The following NFYC variants were observed in gnomAD, a reference collection of about 807,000 sequenced individuals.
NFYC encodes the protein nuclear transcription factor Y subunit gamma, also known as CAAT box DNA-binding protein subunit C.
In NFYC, 25 loss-of-function variants were observed where a neutral mutation model predicts 53.1. The observed-to-expected ratio is 0.47, with a 90% CI of 0.34 to 0.66. The LOEUF (loss-of-function observed/expected upper bound fraction) is 0.66. Among genes scored for constraint, NFYC ranks in the 30% least tolerant of loss-of-function variants. The pLI, the probability that NFYC is intolerant of heterozygous loss-of-function variation, is 0.01. For synonymous variants in NFYC, 145 were observed against 152.6 expected (o/e 0.95, Z 0.37); for missense variants, 260 against 422.7 (o/e 0.62, Z 3.38).
rs1037111600 is a variant in NFYC, at chr1:40,691,859, T to C, written c.-17T>C. On this transcript the variant is annotated 5_prime_UTR_variant, in exon 1 of 10. Transcript: ENST00000447388. ...GCGGCTCCTGCTCTTCCTGGACTCC[T>C]GAGCAGAGGTGTGTGAGTGTGCGGG... The C allele has an allele frequency of 4.8e-6, 2 of 418,940 alleles. No individual in the cohort carries two copies. The highest frequency in any genetic ancestry group is 3.4e-4 in the Middle Eastern group (1 of 2,940). The allele number at this position is 418,940 out of a possible 1,614,324, so 26.0% of individuals were successfully genotyped here.
intron 2 of NFYC, among the ~76,000 whole-genome samples, chr1:40,739,394 T>C (rs921323176): frequency 2.6e-4 from 39 of 152,318 alleles, no homozygotes; most frequent in South Asian, 1.0e-3. Context: ...TAAAAAGATA[T>C]ACTTTGATCG....
At chr1:40,752,708 A>G (rs1338052876) in intron 4 of NFYC, among the ~76,000 whole-genome samples, 1 of 152,098 alleles carries the variant, frequency 6.6e-6, no homozygotes, top group Non-Finnish European at 1.5e-5. Context: ...TGACTTGAAA[A>G]TGTTGCAAAA....
chr1:40,749,831 C>A, intron 4 of NFYC, 145 bp downstream of exon 4: 1 of 638,788 alleles, frequency 1.6e-6, no homozygotes, highest in East Asian at 2.8e-5. Flanking sequence ...CTTTAGGCCT[C>A]TATCAAGCTG....
chr1:40,716,817 A>T (rs1048670641), intron 1 of NFYC, among the ~76,000 whole-genome samples: 1 of 152,146 alleles, frequency 6.6e-6, no homozygotes, highest in Non-Finnish European at 1.5e-5. Flanking sequence ...AGGTCAGGAG[A>T]TGGACACTGT....
intron 3 of NFYC, among the ~76,000 whole-genome samples, chr1:40,748,164 C>T (rs2148666385): frequency 6.6e-6 from 1 of 152,106 alleles, no homozygotes; most frequent in Non-Finnish European, 1.5e-5. Flanking sequence ...CAGGGTCTCA[C>T]TCTGTCACCC....
intron 8 of NFYC, chr1:40,766,984 C>T (rs1175352375): frequency 6.4e-7 from 1 of 1,551,446 alleles, no homozygotes; most frequent in Non-Finnish European, 8.7e-7. Context: ...GGTGTGCACA[C>T]CCATCAGACC....
chr1:40,765,771 C>T (rs1364872340), intron 7 of NFYC, among the ~76,000 whole-genome samples: 1 of 152,190 alleles, frequency 6.6e-6, no homozygotes, highest in Non-Finnish European at 1.5e-5. Context: ...CGCCTTGGTC[C>T]TCTTTTCATC....
At chr1:40,717,498 T>G (rs1644180816) in intron 1 of NFYC, among the ~76,000 whole-genome samples, 1 of 152,220 alleles carries the variant, frequency 6.6e-6, no homozygotes, top group South Asian at 2.1e-4. Flanking sequence ...GAGCACCGTA[T>G]GTAATACATG....
chr1:40,768,901 G>A, intron 8 of NFYC: 1 of 164,846 alleles, frequency 6.1e-6, no homozygotes, highest in South Asian at 1.5e-4. Flanking sequence ...GATGATCTGG[G>A]TGATACGGGT....
At chr1:40,767,711 C>T (rs1368119970) in intron 8 of NFYC, among the ~76,000 whole-genome samples, 1 of 152,178 alleles carries the variant, frequency 6.6e-6, no homozygotes, top group African/African-American at 2.4e-5. Context: ...CACAGTGGGT[C>T]ACGCCTGTAA....
At chr1:40,709,288 G>A (rs1467456749) in intron 1 of NFYC, 1 of 152,264 alleles carries the variant, frequency 6.6e-6, no homozygotes, top group Non-Finnish European at 1.5e-5. Context: ...GACCACTGTG[G>A]AGGCAAGGTT....
intron 1 of NFYC, among the ~76,000 whole-genome samples, chr1:40,719,507 C>T (rs2148485447): frequency 6.6e-6 from 1 of 152,324 alleles, no homozygotes. Context: ...TTTCTATCTC[C>T]ACTTTTGTTT....
intron 1 of NFYC, among the ~76,000 whole-genome samples, chr1:40,728,111 A>G (rs903742910): frequency 2.6e-5 from 4 of 151,618 alleles, no homozygotes; most frequent in Non-Finnish European, 5.9e-5. Flanking sequence ...ATGGGGTTTC[A>G]TTATGTTGGC....
In NFYC at chr1:40,764,976, C is replaced by T. The variant is rs3754181; in HGVS notation, c.721-1620C>T. ...TTCCCAGCTAGAAAATTTTAACATCCCTGTAGCTGTCAGTATACCTTCTCC... is the reference window on the plus strand; with the variant it reads ...TTCCCAGCTAGAAAATTTTAACATCTCTGTAGCTGTCAGTATACCTTCTCC... On this transcript the variant is annotated intron_variant, in intron 7 of 9. Transcript: ENST00000447388. Among the ~76,000 whole-genome samples the T allele has an allele frequency of 7.9e-5, 12 of 152,258 alleles. No homozygotes were observed. The East Asian group carries it at 2.3e-3, about 29-fold the overall frequency.
intron 4 of NFYC, among the ~76,000 whole-genome samples, chr1:40,751,912 G>C (rs545688979): frequency 1.2e-4 from 19 of 152,252 alleles, no homozygotes; most frequent in Non-Finnish European, 2.4e-4. Context: ...TCAGTTGGGA[G>C]GGTTTATCGT....
At chr1:40,710,498 A>G (rs1184746892) in intron 1 of NFYC, among the ~76,000 whole-genome samples, 2 of 152,226 alleles carry the variant, frequency 1.3e-5, no homozygotes, top group African/African-American at 4.8e-5. Flanking sequence ...GAACAGTGAA[A>G]TCTTCAATCC....
At chr1:40,702,325 G>C (rs1443597792) in intron 1 of NFYC, among the ~76,000 whole-genome samples, 1 of 149,568 alleles carries the variant, frequency 6.7e-6, no homozygotes, top group African/African-American at 2.5e-5. Flanking sequence ...GCCTTTTTTG[G>C]GGATTATCTT....
intron 1 of NFYC, among the ~76,000 whole-genome samples, chr1:40,730,827 A>G (rs1224811219): frequency 2.0e-5 from 3 of 152,212 alleles, no homozygotes; most frequent in African/African-American, 7.2e-5. Flanking sequence ...TAGGTAAAAC[A>G]TGTCTTCCCA....
chr1:40,715,617 G>C (rs755373458), intron 1 of NFYC, among the ~76,000 whole-genome samples: 6 of 152,010 alleles, frequency 3.9e-5, no homozygotes, highest in Non-Finnish European at 8.8e-5. Flanking sequence ...GATTCTATTT[G>C]TATTATCACT....
Sources: gnomAD v4.1 joint callset for allele counts (sites outside exome capture counted in the v4.1 genomes callset) on GRCh38, gnomAD v4.1.1 for gene constraint, MANE v1.5 for transcripts, NCBI Gene and HGNC (gene_info 2026-07-23, HGNC 2026-07-21) for gene names.